The following CHL1 variants were observed in gnomAD, a reference collection of about 807,000 sequenced individuals.
CHL1 encodes neural cell adhesion molecule L1-like protein.
Under a neutral mutation model 141.9 loss-of-function variants are expected in CHL1, and 96 were observed. The observed-to-expected ratio is 0.68, with a 90% CI of 0.57 to 0.80. The LOEUF (loss-of-function observed/expected upper bound fraction) is 0.80, where lower values mean the gene tolerates loss of function less well. Among genes scored for constraint, CHL1 ranks in the 30% least tolerant of loss-of-function variants. CHL1 has a pLI of 0.00. For missense variants in CHL1, 1,820 were observed against 1,457.2 expected, an observed-to-expected ratio of 1.25 and a Z score of -4.05; for synonymous variants, 613 against 502.2, an observed-to-expected ratio of 1.22 and a Z score of -2.95.
intron 5 of CHL1, among the ~76,000 whole-genome samples, chr3:329,791 A>T (rs1701297576): frequency 6.6e-6 from 1 of 151,994 alleles, no homozygotes; most frequent in Non-Finnish European, 1.5e-5. Flanking sequence ...TTTCCAAATG[A>T]AGGTAGGTAT....
chr3:306,842 A>C (rs1183991693), intron 2 of CHL1, among the ~76,000 whole-genome samples: 1 of 152,194 alleles, frequency 6.6e-6, no homozygotes, highest in Admixed American at 6.5e-5. Flanking sequence ...CAAATGCTTA[A>C]TGTTCACTAG....
At chr3:268,216 G>A (rs1695322111) in intron 2 of CHL1, among the ~76,000 whole-genome samples, 1 of 152,126 alleles carries the variant, frequency 6.6e-6, no homozygotes, top group Admixed American at 6.6e-5. Flanking sequence ...AGATATTATG[G>A]CAGTGATGAA....
chr3:357,427 C>T (rs73814710), intron 11 of CHL1, among the ~76,000 whole-genome samples: 2,599 of 152,228 alleles, frequency 0.017, 72 homozygotes, highest in African/African-American at 0.06. Context: ...TATTTCTGAA[C>T]CTCGTAGCAG....
chr3:320,420 A>G (rs1242136817), intron 3 of CHL1, among the ~76,000 whole-genome samples: 1 of 152,066 alleles, frequency 6.6e-6, no homozygotes, highest in Non-Finnish European at 1.5e-5. Flanking sequence ...CAGTAGTCTG[A>G]TGGAAATATA....
At chr3:210,907 G>C (rs374112359) in intron 1 of CHL1, among the ~76,000 whole-genome samples, 5 of 152,316 alleles carry the variant, frequency 3.3e-5, no homozygotes, top group African/African-American at 1.2e-4. Flanking sequence ...GTTTTGTCTG[G>C]AGCGAGAATA....
At chr3:273,163 G>T (rs948293628) in intron 2 of CHL1, among the ~76,000 whole-genome samples, 1 of 152,164 alleles carries the variant, frequency 6.6e-6, no homozygotes. Flanking sequence ...GAGGAGGTGG[G>T]AGTAAATTCA....
In CHL1 at chr3:354,715, C is replaced by T; in HGVS notation, c.1109C>T (p.Ala370Val). 6.2e-7 allele frequency: 1 copy of T among 1,613,978 alleles called. No homozygotes were observed. The highest frequency in any genetic ancestry group is 8.5e-7 in the Non-Finnish European group (1 of 1,179,912). Reference protein sequence around the residue: ...TGSNGILLCEAEGEPQPTIKW... With the variant: ...TGSNGILLCEVEGEPQPTIKW... ...AGCAATGGCATCTTGTTATGTGAGG[C>T]TGAAGGAGAACCTCAACCCACAATC... Residue 370 changes from alanine to valine, a missense_variant, in exon 11 of 28, where the codon GCT (alanine) becomes GTT (valine). Coordinates refer to ENST00000256509, the MANE Select transcript of CHL1 (RefSeq NM_006614.4).
chr3:297,938 A>T (rs1285430600), intron 2 of CHL1, among the ~76,000 whole-genome samples: 1 of 152,208 alleles, frequency 6.6e-6, no homozygotes, highest in Non-Finnish European at 1.5e-5. Context: ...TCAAAATACA[A>T]ATGAACTCCA....
At chr3:253,018 G>T (rs1445125540) in intron 2 of CHL1, among the ~76,000 whole-genome samples, 1 of 152,032 alleles carries the variant, frequency 6.6e-6, no homozygotes, top group Non-Finnish European at 1.5e-5. Flanking sequence ...TTGGAGAGGT[G>T]ATTTAAGTGG....
At chr3:218,869 G>A (rs1340642820) in intron 1 of CHL1, among the ~76,000 whole-genome samples, 3 of 152,126 alleles carry the variant, frequency 2.0e-5, no homozygotes, top group African/African-American at 7.2e-5. Flanking sequence ...AAAGTAGGCC[G>A]GGCGCACTGG....
chr3:203,387 G>A (rs1321396050), intron 1 of CHL1, among the ~76,000 whole-genome samples: 2 of 152,244 alleles, frequency 1.3e-5, no homozygotes, highest in Non-Finnish European at 2.9e-5. Flanking sequence ...AATGCCACAG[G>A]TTAGAACCCA....
chr3:275,220 C>T (rs999449583), intron 2 of CHL1, among the ~76,000 whole-genome samples: 4 of 152,180 alleles, frequency 2.6e-5, no homozygotes, highest in Admixed American at 6.5e-5. Context: ...GGCTCTTAGT[C>T]GCAGTGTGGC....
chr3:349,523 AT>A lies in CHL1; in HGVS notation c.1017del (p.His340ThrfsTer3). On this transcript the variant is annotated frameshift_variant, in exon 10 of 28. Coordinates refer to ENST00000256509, the MANE Select transcript of CHL1 (RefSeq NM_006614.4). LOFTEE classifies it high-confidence loss of function. ...AATTTCTTGGGAACAGCCACTCACG[AT>A]TTTCACGTTATAGTAGAAGGTACCT... ...ASNFLGTATH[D>X]FHVIVEEPPR... 1.2e-6 allele frequency: 2 copies of A among 1,613,466 alleles called. No homozygotes were observed. The highest frequency in any genetic ancestry group is 2.2e-5 in the South Asian group (2 of 91,032).
At chr3:251,400 T>A (rs543036691) in intron 2 of CHL1, among the ~76,000 whole-genome samples, 5 of 152,276 alleles carry the variant, frequency 3.3e-5, no homozygotes, top group African/African-American at 1.2e-4. Flanking sequence ...CTAGTCAACC[T>A]CTCTGAACCT....
intron 1 of CHL1, among the ~76,000 whole-genome samples, chr3:212,313 A>G (rs1349835250): frequency 1.3e-5 from 2 of 151,996 alleles, no homozygotes; most frequent in African/African-American, 2.4e-5. Flanking sequence ...ATAAAGCAAG[A>G]CTGTTCACCA....
chr3:382,472 A>G lies in CHL1; in HGVS notation c.1979-2A>G. The G allele has an allele frequency of 6.2e-7, 1 of 1,610,144 alleles. No homozygotes were observed. Among genetic ancestry groups the G allele is most frequent in the Non-Finnish European group, 8.5e-7 (1 of 1,176,424 alleles). On this transcript the variant is annotated splice_acceptor_variant, in intron 17 of 27. Transcript: ENST00000256509. LOFTEE classifies it high-confidence loss of function. ...ATATTTTTTCCCTGTTTATACTACCAGAGTATATTGTTGAATTTGAAGGAA... is the reference window on the plus strand; with the variant it reads ...ATATTTTTTCCCTGTTTATACTACCGGAGTATATTGTTGAATTTGAAGGAA...
At chr3:378,796 T>C (rs1179918873) in intron 16 of CHL1, among the ~76,000 whole-genome samples, 1 of 152,178 alleles carries the variant, frequency 6.6e-6, no homozygotes, top group Non-Finnish European at 1.5e-5. Context: ...CTGATGAGGC[T>C]CTAGCAGCTG....
At chr3:260,116 T>G (rs1454841582) in intron 2 of CHL1, among the ~76,000 whole-genome samples, 1 of 151,894 alleles carries the variant, frequency 6.6e-6, no homozygotes, top group African/African-American at 2.4e-5. Flanking sequence ...AATACAAAAT[T>G]AGCTGGGTGT....
At chr3:249,580 A>T (rs1384561733) in intron 2 of CHL1, among the ~76,000 whole-genome samples, 1 of 152,138 alleles carries the variant, frequency 6.6e-6, no homozygotes, top group Non-Finnish European at 1.5e-5. Flanking sequence ...TAAGTAACTT[A>T]TTTGCAAACA....
Sources: gnomAD v4.1 joint callset for allele counts (sites outside exome capture counted in the v4.1 genomes callset) on GRCh38, gnomAD v4.1.1 for gene constraint, MANE v1.5 for transcripts, NCBI Gene and HGNC (gene_info 2026-07-23, HGNC 2026-07-21) for gene names.